GPR176: variants seen among roughly 807,000 people sequenced by gnomAD.
The protein encoded by GPR176 is G-protein coupled receptor 176.
GPR176 carries 26 observed loss-of-function variants against 35.4 expected under a neutral mutation model. That is an observed-to-expected ratio of 0.74 (90% CI 0.54 to 1.02). The LOEUF (loss-of-function observed/expected upper bound fraction) is 1.02. GPR176 is among the 50% of genes least tolerant of loss of function. The pLI is 0.00. For missense variants in GPR176, 597 were observed against 665.3 expected, an observed-to-expected ratio of 0.90 and a Z score of 1.13; for synonymous variants, 278 against 271.3, an observed-to-expected ratio of 1.02 and a Z score of -0.24.
intron 1 of GPR176, among the ~76,000 whole-genome samples, chr15:39,896,887 G>A (rs142069610): frequency 5.3e-4 from 80 of 152,288 alleles, no homozygotes; most frequent in Non-Finnish European, 1.1e-3. Flanking sequence ...AGAGAGAGAG[G>A]AATAGATTTG....
At chr15:39,895,253 C>T (rs1481833620) in intron 1 of GPR176, among the ~76,000 whole-genome samples, 2 of 85,088 alleles carry the variant, frequency 2.4e-5, no homozygotes, top group African/African-American at 1.0e-4. Flanking sequence ...GAGAGGGAGA[C>T]CATGGGGAGA....
In GPR176 at chr15:39,914,068, C is replaced by T. The variant is rs141907890; in HGVS notation, c.172+5787G>A. 9.7e-4 allele frequency among the ~76,000 whole-genome samples: 148 copies of T among 152,050 alleles called. 1 individual carries two copies. Among genetic ancestry groups the T allele is most frequent in the African/African-American group, 3.5e-3 (144 of 41,506 alleles). On this transcript the variant is annotated intron_variant, in intron 1 of 2. Coordinates refer to ENST00000561100, the MANE Select transcript of GPR176 (RefSeq NM_007223.3). ...CTCAAAAAACAAACAAACAAACAAA[C>T]AAAAAACACCACTGAGTTGTACTCT...
At chr15:39,909,240 G>C (rs1404832695) in intron 1 of GPR176, among the ~76,000 whole-genome samples, 1 of 152,174 alleles carries the variant, frequency 6.6e-6, no homozygotes, top group Non-Finnish European at 1.5e-5. Context: ...TAAGGTCAGG[G>C]AGATGATGGA....
At chr15:39,839,889 C>G (rs1310788877) in intron 1 of GPR176, among the ~76,000 whole-genome samples, 1 of 152,194 alleles carries the variant, frequency 6.6e-6, no homozygotes, top group Non-Finnish European at 1.5e-5. Context: ...AGCTCACCAT[C>G]ACTGGTCGTC....
intron 1 of GPR176, among the ~76,000 whole-genome samples, chr15:39,826,330 A>G (rs1900647616): frequency 6.6e-6 from 1 of 152,192 alleles, no homozygotes; most frequent in African/African-American, 2.4e-5. Flanking sequence ...AAACCCATTC[A>G]CAACTCAGCA....
At chr15:39,857,740 G>A (rs905973910) in intron 1 of GPR176, among the ~76,000 whole-genome samples, 7 of 152,002 alleles carry the variant, frequency 4.6e-5, no homozygotes, top group Admixed American at 6.6e-5. Flanking sequence ...AGGCCAAGGC[G>A]GGCGGATCAC....
At chr15:39,825,566 A>T (rs945337979) in intron 1 of GPR176, among the ~76,000 whole-genome samples, 3 of 152,178 alleles carry the variant, frequency 2.0e-5, no homozygotes, top group Non-Finnish European at 4.4e-5. Flanking sequence ...CACAGTGTGA[A>T]TATATTACAA....
chr15:39,873,588 G>A (rs575451146), intron 1 of GPR176, among the ~76,000 whole-genome samples: 262 of 151,152 alleles, frequency 1.7e-3, no homozygotes, highest in African/African-American at 5.7e-3. Context: ...CATTCTATGA[G>A]AAATTAACCA....
At chr15:39,817,932 T>C (rs1489295709) in intron 1 of GPR176, among the ~76,000 whole-genome samples, 1 of 152,256 alleles carries the variant, frequency 6.6e-6, no homozygotes, top group Non-Finnish European at 1.5e-5. Flanking sequence ...CTATCTTACT[T>C]TGATTTTTTA....
intron 1 of GPR176, among the ~76,000 whole-genome samples, chr15:39,871,464 G>A (rs1481855312): frequency 6.6e-6 from 1 of 152,216 alleles, no homozygotes; most frequent in Non-Finnish European, 1.5e-5. Flanking sequence ...GGAGATGTAG[G>A]AGTATGTTTC....
At chr15:39,822,554 A>G (rs1900345686) in intron 1 of GPR176, among the ~76,000 whole-genome samples, 1 of 152,248 alleles carries the variant, frequency 6.6e-6, no homozygotes. Context: ...CACAGTAGTT[A>G]CTGAGCAACC....
Position 39,807,068 on chromosome 15 carries a change from T to C in GPR176, c.363A>G (p.Lys121=). 2 of 1,613,820 alleles carry C rather than the reference T, an allele frequency of 1.2e-6. No homozygotes were observed. The highest frequency in any genetic ancestry group is 1.7e-6 in the Non-Finnish European group (2 of 1,179,830). The part of the protein sequence containing the change: ...IYTMLFCKVV[K]FLHKVFCSVT... Reference sequence around the variant, plus strand: ...CAGAGCAGAATACTTTGTGCAAAAATTTGACGACCTTGCAGAAGAGCATGG... The same window carrying C: ...CAGAGCAGAATACTTTGTGCAAAAACTTGACGACCTTGCAGAAGAGCATGG... The change falls in exon 2 of 3, where the codon AAA becomes AAG. Residue 121 remains lysine, a synonymous_variant. Coordinates refer to ENST00000561100, the MANE Select transcript of GPR176 (RefSeq NM_007223.3).
In GPR176 at chr15:39,920,174, T is replaced by A; in HGVS notation, c.-148A>T. On this transcript the variant is annotated 5_prime_UTR_variant, in exon 1 of 3. An upstream start codon of the reference 5' UTR is lost. Coordinates refer to ENST00000561100, the MANE Select transcript of GPR176 (RefSeq NM_007223.3). Reference sequence around the variant, plus strand: ...CGACGGGTCCCCTCACGTCTCCACATCGCCAACCCCGGCGCCCGGGAGGCG... The same window carrying A: ...CGACGGGTCCCCTCACGTCTCCACAACGCCAACCCCGGCGCCCGGGAGGCG... 2.1e-6 allele frequency: 1 copy of A among 476,564 alleles called. No homozygotes were observed. The highest frequency in any genetic ancestry group is 3.4e-6 in the Non-Finnish European group (1 of 296,406). 29.5% of individuals were successfully genotyped at this position (476,564 alleles called of 1,614,324 possible). A position where few individuals can be genotyped will look rare whatever the true frequency, so the allele number is the denominator to read the frequency against.
chr15:39,913,853 T>C (rs2033647394), intron 1 of GPR176, among the ~76,000 whole-genome samples: 2 of 152,176 alleles, frequency 1.3e-5, no homozygotes, highest in Non-Finnish European at 2.9e-5. Flanking sequence ...AAGACCATCC[T>C]GGCTAACACG....
chr15:39,805,282 C>A (rs900182030), intron 2 of GPR176, among the ~76,000 whole-genome samples: 2 of 152,090 alleles, frequency 1.3e-5, no homozygotes, highest in African/African-American at 4.8e-5. Flanking sequence ...TGCAATGGCA[C>A]TTTCCAGATA....
At chr15:39,886,028 G>C (rs2032661008) in intron 1 of GPR176, among the ~76,000 whole-genome samples, 1 of 152,174 alleles carries the variant, frequency 6.6e-6, no homozygotes, top group Non-Finnish European at 1.5e-5. Context: ...GAGGTCGGGA[G>C]TTTGAGATGA....
At chr15:39,808,764 A>AC (rs1899351731) in intron 1 of GPR176, among the ~76,000 whole-genome samples, 1 of 152,242 alleles carries the variant, frequency 6.6e-6, no homozygotes, top group Non-Finnish European at 1.5e-5. Flanking sequence ...GACACACGGT[A>AC]ATCAAAAGTC....
intron 1 of GPR176, among the ~76,000 whole-genome samples, chr15:39,875,138 C>T (rs1187053783): frequency 2.0e-5 from 3 of 152,182 alleles, no homozygotes; most frequent in African/African-American, 7.2e-5. Context: ...AGTACACAAC[C>T]AATACTGCCA....
chr15:39,838,961 A>G (rs991008061), intron 1 of GPR176, among the ~76,000 whole-genome samples: 1 of 152,180 alleles, frequency 6.6e-6, no homozygotes, highest in Non-Finnish European at 1.5e-5. Flanking sequence ...AATCTCCTTA[A>G]GCTGATAAGC....
Sources: allele counts gnomAD v4.1 joint callset (sites outside exome capture counted in the v4.1 genomes callset), GRCh38; gene constraint gnomAD v4.1.1; transcripts MANE v1.5; gene names NCBI Gene and HGNC (gene_info 2026-07-23, HGNC 2026-07-21).